Variants in LATS2 observed in about 807,000 individuals in gnomAD.
The protein encoded by LATS2 is large tumor suppressor kinase 2, also known as serine/threonine-protein kinase LATS2.
In LATS2, 24 loss-of-function variants were observed where a neutral mutation model predicts 76.0. The ratio of observed to expected loss-of-function variants is 0.32; its 90% CI spans 0.23 to 0.44. The LOEUF (loss-of-function observed/expected upper bound fraction) is 0.44. LATS2 is among the 20% of genes least tolerant of loss of function. The probability of loss-of-function intolerance (pLI) is 1.00; values close to 1 mark genes in which losing one functional copy is unlikely to be tolerated. For missense variants in LATS2, 1,286 were observed against 1,481.2 expected, an observed-to-expected ratio of 0.87 and a Z score of 2.16; for synonymous variants, 692 against 635.4, an observed-to-expected ratio of 1.09 and a Z score of -1.34.
chr13:21,004,675 C>T (rs1871195854), intron 2 of LATS2, among the ~76,000 whole-genome samples: 3 of 152,304 alleles, frequency 2.0e-5, no homozygotes, highest in Admixed American at 1.3e-4. Flanking sequence ...GCAGGAAGCG[C>T]TTTGCTCTAA....
intron 2 of LATS2, among the ~76,000 whole-genome samples, chr13:21,017,520 T>G (rs889784182): frequency 6.6e-6 from 1 of 152,124 alleles, no homozygotes; most frequent in African/African-American, 2.4e-5. Context: ...GATTATTTGA[T>G]CTACTCAAGG....
intron 2 of LATS2, among the ~76,000 whole-genome samples, chr13:21,020,859 T>C (rs1357135537): frequency 6.6e-6 from 1 of 152,160 alleles, no homozygotes; most frequent in East Asian, 1.9e-4. Context: ...GCACACCTAC[T>C]ACGTCACAAT....
intron 1 of LATS2, among the ~76,000 whole-genome samples, chr13:21,046,879 C>G (rs1405068508): frequency 6.6e-6 from 1 of 152,110 alleles, no homozygotes; most frequent in Admixed American, 6.5e-5. Flanking sequence ...TGGCCACTTA[C>G]CAGCATTTTG....
At chr13:21,012,441 A>G (rs900552073) in intron 2 of LATS2, among the ~76,000 whole-genome samples, 2 of 152,242 alleles carry the variant, frequency 1.3e-5, no homozygotes, top group Non-Finnish European at 2.9e-5. Context: ...GCCATTAGCT[A>G]ATAGGAATTT....
At position 21,002,813 on chromosome 13, in the gene LATS2, C is replaced by A. The variant is rs573364780; in HGVS notation, c.343-11409G>T. Among the ~76,000 whole-genome samples the A allele has an allele frequency of 1.3e-3, 199 of 152,268 alleles. 1 individual carries two copies. In the Middle Eastern group the frequency reaches 0.024, roughly 18 times the overall value. ...GCTCAAACTTCCTGCCTCGGCCTCCCAAGTAGCTAGGATTACAGGTGCAGG... is the reference window on the plus strand; with the variant it reads ...GCTCAAACTTCCTGCCTCGGCCTCCAAAGTAGCTAGGATTACAGGTGCAGG... On this transcript the variant is annotated intron_variant, in intron 2 of 7. Transcript: ENST00000382592.
At chr13:21,007,543 T>C (rs1253606441) in intron 2 of LATS2, among the ~76,000 whole-genome samples, 2 of 12,946 alleles carry the variant, frequency 1.5e-4, no homozygotes, top group Non-Finnish European at 2.2e-4. Flanking sequence ...TATATATATA[T>C]AGTATATATA....
At chr13:21,007,721 T>G (rs1330081935) in intron 2 of LATS2, among the ~76,000 whole-genome samples, 1 of 9,532 alleles carries the variant, frequency 1.0e-4, no homozygotes, top group Non-Finnish European at 1.6e-4. Context: ...TATATATATA[T>G]AGTATATATA....
At chr13:20,982,867 T>G (rs1477529635) in intron 5 of LATS2, among the ~76,000 whole-genome samples, 1 of 151,304 alleles carries the variant, frequency 6.6e-6, no homozygotes, top group African/African-American at 2.4e-5. Context: ...GGTGCGTGAC[T>G]GTAATCCCGG....
chr13:20,998,896 T>G (rs995928810), intron 2 of LATS2, among the ~76,000 whole-genome samples: 3 of 150,488 alleles, frequency 2.0e-5, no homozygotes, highest in African/African-American at 7.4e-5. Flanking sequence ...GCGGGGGCCC[T>G]GGCGACGTTG....
At chr13:21,026,008 C>T (rs1419392620) in intron 2 of LATS2, among the ~76,000 whole-genome samples, 1 of 152,170 alleles carries the variant, frequency 6.6e-6, no homozygotes, top group African/African-American at 2.4e-5. Context: ...AAGACCTAGC[C>T]TGACCATCTT....
chr13:20,985,000 C>T (rs530501410), intron 4 of LATS2, among the ~76,000 whole-genome samples: 2 of 152,250 alleles, frequency 1.3e-5, no homozygotes, highest in East Asian at 1.9e-4. Context: ...AATAAGTCCA[C>T]GTATTTACAG....
intron 5 of LATS2, 93 bp from the exon 6 acceptor site, chr13:20,981,741 C>T: frequency 9.4e-7 from 1 of 1,064,538 alleles, no homozygotes; most frequent in Non-Finnish European, 1.3e-6. Context: ...CAGCTTAAAA[C>T]AGCAAAGTCA....
intron 2 of LATS2, among the ~76,000 whole-genome samples, chr13:21,009,202 G>A (rs585980): frequency 0.99 from 150,649 of 152,332 alleles, 74,515 homozygotes; most frequent in East Asian, 1. Context: ...TAAAGAAGCA[G>A]ATGTGCAAAG....
chr13:20,979,905 T>C (rs1322187567), intron 6 of LATS2, 108 bp from the exon 7 acceptor site: 2 of 658,860 alleles, frequency 3.0e-6, no homozygotes, highest in East Asian at 2.8e-5. Context: ...GGAAAGCGCG[T>C]TGAAGCATCG....
intron 2 of LATS2, among the ~76,000 whole-genome samples, chr13:21,021,474 CAAAAAAAAAAAA>C (rs58976562): frequency 0.3 from 14,267 of 48,298 alleles, 1,358 homozygotes; most frequent in East Asian, 0.59. Flanking sequence ...GACTCTGTCT[CAAAAAAAAAAAA>C]AAAAAAAAAA....
At chr13:21,061,242 T>G (rs1297596701) in intron 1 of LATS2, 104 bp downstream of exon 1, 1 of 151,932 alleles carries the variant, frequency 6.6e-6, no homozygotes, top group Non-Finnish European at 1.5e-5. Flanking sequence ...TCCCGGAGCC[T>G]CGGCACCACA....
rs770558742 is a variant in LATS2 at position 20,973,893 on chromosome 13, C to CCGTG, written c.*973_*976dup. ...ACGGACTACAGAAACGGACATGTGT[C>CCGTG]CGTGATTAAACTTTTTGGCATCGCT... is the stretch of plus-strand genomic sequence containing the variant. On this transcript the variant is annotated 3_prime_UTR_variant, in exon 8 of 8. Transcript: ENST00000382592. 3 of 223,024 alleles carry CCGTG rather than the reference C, an allele frequency of 1.3e-5. No homozygotes were observed. The highest frequency in any genetic ancestry group is 1.4e-3 in the Middle Eastern group (1 of 728). 13.8% of individuals were successfully genotyped at this position (223,024 alleles called of 1,614,324 possible).
At chr13:21,055,844 C>T (rs73445535) in intron 1 of LATS2, among the ~76,000 whole-genome samples, 13,490 of 152,258 alleles carry the variant, frequency 0.089, 633 homozygotes, top group Middle Eastern at 0.11. Context: ...ATCAGGCAGA[C>T]GGGCCAGGCC....
At chr13:21,013,322 T>G (rs568901636) in intron 2 of LATS2, among the ~76,000 whole-genome samples, 16 of 152,248 alleles carry the variant, frequency 1.1e-4, no homozygotes, top group Non-Finnish European at 1.6e-4. Flanking sequence ...GTACTTATCC[T>G]GGCTCGATGC....
Sources: allele counts gnomAD v4.1 joint callset (sites outside exome capture counted in the v4.1 genomes callset), GRCh38; gene constraint gnomAD v4.1.1; transcripts MANE v1.5; gene names NCBI Gene and HGNC (gene_info 2026-07-23, HGNC 2026-07-21).